SMARCC1: variants seen among roughly 807,000 people sequenced by gnomAD.
SMARCC1 encodes SWI/SNF complex subunit SMARCC1.
SMARCC1 carries 43 observed loss-of-function variants against 147.4 expected under a neutral mutation model. That is an observed-to-expected ratio of 0.29 (90% CI 0.23 to 0.38). SMARCC1 has a LOEUF of 0.38. Ranked by LOEUF, SMARCC1 falls within the 10% of genes least tolerant of loss-of-function variation. The probability of loss-of-function intolerance (pLI) is 1.00; values close to 1 mark genes in which losing one functional copy is unlikely to be tolerated. For missense variants in SMARCC1, 1,119 were observed against 1,381.1 expected, an observed-to-expected ratio of 0.81 and a Z score of 3.01; for synonymous variants, 495 against 484.4, an observed-to-expected ratio of 1.02 and a Z score of -0.29.
Position 47,781,839 on chromosome 3 carries a change from C to G in SMARCC1, c.-42G>C, listed in dbSNP as rs1007762400. On this transcript the variant is annotated 5_prime_UTR_variant, in exon 1 of 28. Transcript: ENST00000254480. ...CCCCACAGCCTGGCCCACCCCGGCC[C>G]TCGCGGTGTTTCCCGGTCGTTCCCG... 129 of 1,274,712 alleles carry G rather than the reference C, an allele frequency of 1.0e-4. No individual in the cohort carries two copies. Among genetic ancestry groups the G allele is most frequent in the Non-Finnish European group, 1.2e-4 (124 of 1,002,832 alleles). The allele number at this position is 1,274,712 out of a possible 1,614,324, so 79.0% of individuals were successfully genotyped here.
intron 3 of SMARCC1, among the ~76,000 whole-genome samples, chr3:47,744,394 A>G (rs1243123672): frequency 6.6e-6 from 1 of 152,022 alleles, no homozygotes. Context: ...ATCCAAATCA[A>G]TATCTATTAA....
intron 22 of SMARCC1, among the ~76,000 whole-genome samples, chr3:47,638,296 T>C (rs1056753450): frequency 2.0e-5 from 3 of 152,184 alleles, no homozygotes; most frequent in African/African-American, 7.2e-5. Flanking sequence ...GGTTTCACCA[T>C]GTTAGCCAGG....
intron 14 of SMARCC1, 70 bp from the exon 15 acceptor site, chr3:47,680,578 C>T (rs1466081906): frequency 6.0e-5 from 52 of 872,816 alleles, no homozygotes; most frequent in African/African-American, 2.3e-4. Context: ...GACGGAGTCT[C>T]GCTCTGTCGC....
intron 3 of SMARCC1, among the ~76,000 whole-genome samples, chr3:47,745,183 T>C (rs1413243068): frequency 6.6e-6 from 1 of 151,886 alleles, no homozygotes; most frequent in Non-Finnish European, 1.5e-5. Context: ...GGCAGGAGAA[T>C]CACTGGAAGG....
intron 6 of SMARCC1, among the ~76,000 whole-genome samples, chr3:47,726,355 A>T (rs1576423342): frequency 6.6e-6 from 1 of 151,110 alleles, no homozygotes; most frequent in Non-Finnish European, 1.5e-5. Flanking sequence ...AACAGTGGAA[A>T]CAACAATTTA....
intron 26 of SMARCC1, among the ~76,000 whole-genome samples, chr3:47,598,407 C>G (rs1198922980): frequency 2.0e-5 from 3 of 152,080 alleles, no homozygotes; most frequent in South Asian, 2.1e-4. Context: ...ACAGGTTGCT[C>G]GCTTCCACCA....
At chr3:47,653,016 G>A (rs933249976) in intron 21 of SMARCC1, among the ~76,000 whole-genome samples, 2 of 150,788 alleles carry the variant, frequency 1.3e-5, no homozygotes, top group Non-Finnish European at 2.9e-5. Context: ...GACTGCAGTG[G>A]CGCAATCTCG....
chr3:47,592,570 C>A (rs940569203), intron 26 of SMARCC1, among the ~76,000 whole-genome samples: 1 of 152,194 alleles, frequency 6.6e-6, no homozygotes, highest in Non-Finnish European at 1.5e-5. Context: ...TTCACTAGTT[C>A]TTAAACCAAG....
At chr3:47,740,178 C>CTTTTTT (rs34523367) in intron 3 of SMARCC1, among the ~76,000 whole-genome samples, 37 of 35,714 alleles carry the variant, frequency 1.0e-3, no homozygotes, top group Admixed American at 1.7e-3. Context: ...GCCCGGCCAT[C>CTTTTTT]TTTTTTTTTT....
At chr3:47,684,267 C>T (rs890569282) in intron 14 of SMARCC1, among the ~76,000 whole-genome samples, 3 of 143,084 alleles carry the variant, frequency 2.1e-5, no homozygotes, top group African/African-American at 7.9e-5. Flanking sequence ...AAAGACAGTA[C>T]TCCAGTTACA....
intron 26 of SMARCC1, chr3:47,601,616 C>T (rs115329200): frequency 0.064 from 9,660 of 151,614 alleles, 447 homozygotes; most frequent in Non-Finnish European, 0.096. Flanking sequence ...ATGGCTACTC[C>T]GGAAAGTAGC....
intron 13 of SMARCC1, among the ~76,000 whole-genome samples, chr3:47,688,304 TG>T (rs1231012718): frequency 3.0e-5 from 1 of 33,542 alleles, no homozygotes; most frequent in Non-Finnish European, 6.9e-5. Context: ...TAAATAACTT[TG>T]ATTTTTTTTT....
chr3:47,600,751 C>A (rs1456520631), intron 26 of SMARCC1, among the ~76,000 whole-genome samples: 3 of 151,992 alleles, frequency 2.0e-5, no homozygotes, highest in Non-Finnish European at 4.4e-5. Flanking sequence ...CACAAAGCAA[C>A]CCTTGTCCTT....
Position 47,710,771 on chromosome 3 carries a change from T to C in SMARCC1, c.830A>G (p.Asn277Ser), listed in dbSNP as rs777392057. 3 of 1,612,668 alleles carry C rather than the reference T, an allele frequency of 1.9e-6. No individual in the cohort carries two copies. The highest frequency in any genetic ancestry group is 2.5e-6 in the Non-Finnish European group (3 of 1,179,276). The change falls in exon 9 of 28, where the codon AAT becomes AGT. Residue 277 changes from asparagine (N) to serine (S), a missense_variant. Coordinates refer to ENST00000254480, the MANE Select transcript of SMARCC1 (RefSeq NM_003074.4). ...VKWILDTDIF[N>S]EWMNEEDYEV... ...ATAATCCTCCTCATTCATCCATTCATTGAAAATATCAGTGTCCAAAATCCA... is the reference window on the plus strand; with the variant it reads ...ATAATCCTCCTCATTCATCCATTCACTGAAAATATCAGTGTCCAAAATCCA...
intron 2 of SMARCC1, among the ~76,000 whole-genome samples, chr3:47,766,601 CTAT>C (rs1300758448): frequency 6.6e-6 from 1 of 151,992 alleles, no homozygotes; most frequent in South Asian, 2.1e-4. Flanking sequence ...CAGCTCTATC[CTAT>C]TATTACAATT....
chr3:47,703,088 C>T (rs554956474), intron 10 of SMARCC1, among the ~76,000 whole-genome samples: 1 of 152,076 alleles, frequency 6.6e-6, no homozygotes, highest in Non-Finnish European at 1.5e-5. Context: ...CAATCACGCA[C>T]CGGCTAATTT....
chr3:47,730,580 T>C (rs964226351), intron 5 of SMARCC1, among the ~76,000 whole-genome samples: 2 of 152,144 alleles, frequency 1.3e-5, no homozygotes, highest in African/African-American at 2.4e-5. Flanking sequence ...ACGCTAACAA[T>C]AGCGGCTGGG....
At chr3:47,749,056 A>C (rs1209848214) in intron 2 of SMARCC1, among the ~76,000 whole-genome samples, 1 of 152,142 alleles carries the variant, frequency 6.6e-6, no homozygotes, top group African/African-American at 2.4e-5. Context: ...TAATCCCAGC[A>C]CTTTGGGAGG....
intron 5 of SMARCC1, among the ~76,000 whole-genome samples, chr3:47,733,072 G>A (rs1187408962): frequency 1.3e-5 from 2 of 151,832 alleles, no homozygotes; most frequent in East Asian, 1.9e-4. Context: ...ACACCACTGC[G>A]CTCCAGCTGG....
Sources: gnomAD v4.1 joint callset for allele counts (sites outside exome capture counted in the v4.1 genomes callset) on GRCh38, gnomAD v4.1.1 for gene constraint, MANE v1.5 for transcripts, NCBI Gene and HGNC (gene_info 2026-07-23, HGNC 2026-07-21) for gene names.